The following TEX2 variants were observed in gnomAD, a reference collection of about 807,000 sequenced individuals.
TEX2 encodes testis-expressed protein 2.
Under a neutral mutation model 106.9 loss-of-function variants are expected in TEX2, and 53 were observed. The ratio of observed to expected loss-of-function variants is 0.50; its 90% CI spans 0.40 to 0.62. The LOEUF is 0.62. Ranked by LOEUF, TEX2 falls within the 20% of genes least tolerant of loss-of-function variation. The pLI is 0.00. For synonymous variants in TEX2, 523 were observed against 534.8 expected (o/e 0.98, Z 0.30); for missense variants, 1,207 against 1,379.0 (o/e 0.88, Z 1.98).
rs200927821 is a variant in TEX2, at chr17:64,213,757, G to A, written c.461C>T (p.Ser154Phe). Residue 154 changes from serine (S) to phenylalanine (F), a missense_variant, in exon 2 of 12, where the codon TCT becomes TTT. Around this residue, in one of 3 missense-constraint regions of TEX2, gnomAD observed 1,067 missense variants for 1,193.6 expected, o/e 0.89. Coordinates refer to ENST00000584379, the MANE Select transcript of TEX2 (RefSeq NM_001288732.2). This position sits in a 1 kb window ranked among gnomAD's most constrained non-coding sequence, Gnocchi z 4.4. ...GGAGGAAGAACTGGTTTTCTGCTCA[G>A]AAAGGGATGACACACTGGGAGAGCT... ...LASSPSVSSL[S>F]EQKTSSSSPL... The A allele has an allele frequency of 6.2e-6, 10 of 1,614,196 alleles. No homozygotes were observed. In the East Asian group the frequency reaches 2.2e-4, roughly 36 times the overall value.
At chr17:64,257,040 C>T (rs1390802041) in intron 1 of TEX2, among the ~76,000 whole-genome samples, 10 of 152,216 alleles carry the variant, frequency 6.6e-5, no homozygotes, top group African/African-American at 2.2e-4. Context: ...AGGTTTTAAT[C>T]TCAGATCCTA....
At chr17:64,253,188 G>A (rs538466367) in intron 1 of TEX2, among the ~76,000 whole-genome samples, 7 of 152,280 alleles carry the variant, frequency 4.6e-5, no homozygotes, top group Admixed American at 2.0e-4. Flanking sequence ...CACCCAGGCT[G>A]GATGCAGTGG....
intron 2 of TEX2, among the ~76,000 whole-genome samples, chr17:64,198,887 C>T (rs139122136): frequency 3.0e-4 from 46 of 152,130 alleles, no homozygotes; most frequent in Middle Eastern, 3.4e-3. Context: ...AGACAAAAAT[C>T]CCTGCATTAT....
rs187214939 is a variant in TEX2 at position 64,148,907 on chromosome 17, C to T, written c.*62G>A. 1.9e-5 allele frequency: 31 copies of T among 1,602,740 alleles called. No individual in the cohort carries two copies. In the East Asian group the frequency reaches 4.7e-4, roughly 24 times the overall value. On this transcript the variant is annotated 3_prime_UTR_variant, in exon 12 of 12. Coordinates refer to ENST00000584379, the MANE Select transcript of TEX2 (RefSeq NM_001288732.2). ...GAGGCCAGTGCTACAGTACAGATGG[C>T]GGCCAAGAACCCCACACATCCAGCT...
chr17:64,150,605 A>T (rs1314986729), intron 11 of TEX2: 2 of 290,464 alleles, frequency 6.9e-6, no homozygotes, highest in East Asian at 1.4e-4. Context: ...CTCTGACCCA[A>T]ATCTTTTGGG....
At chr17:64,200,551 T>A (rs1479042956) in intron 2 of TEX2, among the ~76,000 whole-genome samples, 4 of 152,192 alleles carry the variant, frequency 2.6e-5, no homozygotes, top group Non-Finnish European at 5.9e-5. Flanking sequence ...AGTATGCAAT[T>A]ACCTTCTTTG....
chr17:64,177,930 G>A lies in TEX2; in HGVS notation c.2425-459C>T, dbSNP rs79080258. Among the ~76,000 whole-genome samples, 85 of 152,292 alleles carry A rather than the reference G, an allele frequency of 5.6e-4. No homozygotes were observed. In the East Asian group the frequency reaches 0.015, roughly 26 times the overall value. The stretch of plus-strand genomic sequence containing the variant: ...GACTCAAGTTCAGCCTGAACCCTGT[G>A]AGGTCAAAATATTCCCGGGATGCTT... On this transcript the variant is annotated intron_variant, in intron 5 of 11. Coordinates refer to ENST00000584379, the MANE Select transcript of TEX2 (RefSeq NM_001288732.2).
At chr17:64,248,992 G>A (rs367690469) in intron 1 of TEX2, among the ~76,000 whole-genome samples, 2 of 151,086 alleles carry the variant, frequency 1.3e-5, no homozygotes, top group South Asian at 2.1e-4. Flanking sequence ...CCGAGATTAC[G>A]CCACTGCACT....
chr17:64,247,046 G>A (rs1307762854), intron 1 of TEX2, among the ~76,000 whole-genome samples: 1 of 151,994 alleles, frequency 6.6e-6, no homozygotes, highest in Non-Finnish European at 1.5e-5. Flanking sequence ...GGGAGGCTGA[G>A]GTGGGCAGAT....
intron 1 of TEX2, among the ~76,000 whole-genome samples, chr17:64,239,851 G>A (rs1023645215): frequency 2.6e-5 from 3 of 115,764 alleles, no homozygotes; most frequent in Admixed American, 2.3e-4. Context: ...ACTCCAGCCT[G>A]GACAACAGAG....
chr17:64,249,142 A>G lies in TEX2; in HGVS notation c.-26+14026T>C, dbSNP rs530467193. 3.9e-5 allele frequency among the ~76,000 whole-genome samples: 6 copies of G among 152,316 alleles called. No individual in the cohort carries two copies. In the East Asian group the frequency reaches 1.2e-3, roughly 29 times the overall value. The stretch of plus-strand genomic sequence containing the variant: ...CAGGAAAGCAAAACCTCTCATTCCA[A>G]CTTTAAATACTGACTTAAGCACTTG... On this transcript the variant is annotated intron_variant, in intron 1 of 11. Transcript: ENST00000584379.
Position 64,148,979 on chromosome 17 carries a change from TCAG to T in TEX2, c.3371_3373del (p.Ala1124del), listed in dbSNP as rs758168684. 34 of 1,614,062 alleles carry T rather than the reference TCAG, an allele frequency of 2.1e-5. No individual in the cohort carries two copies. Among genetic ancestry groups the T allele is most frequent in the Middle Eastern group, 1.6e-4 (1 of 6,082 alleles). On this transcript the variant is annotated inframe_deletion, in exon 12 of 12. Transcript: ENST00000584379. ...ATCTGACATCACCCATCATGGCTGA[TCAG>T]CAGCCTCCACAGGTGGGTCTTTCAG...
chr17:64,255,365 G>A (rs558006474), intron 1 of TEX2, among the ~76,000 whole-genome samples: 35 of 152,150 alleles, frequency 2.3e-4, no homozygotes, highest in South Asian at 1.9e-3. Context: ...ATTATGCAGT[G>A]TGCAGGCATT....
chr17:64,206,642 C>T (rs1339109132), intron 2 of TEX2, among the ~76,000 whole-genome samples: 1 of 148,770 alleles, frequency 6.7e-6, no homozygotes, highest in African/African-American at 2.5e-5. Context: ...CAGCTCACTG[C>T]AACCTCCACC....
intron 5 of TEX2, among the ~76,000 whole-genome samples, chr17:64,186,872 TC>T (rs372791572): frequency 7.2e-5 from 11 of 151,846 alleles, no homozygotes; most frequent in African/African-American, 2.7e-4. Context: ...AGGTTAAGTG[TC>T]CCCCAGGCAG....
intron 6 of TEX2, among the ~76,000 whole-genome samples, chr17:64,174,470 C>T (rs1424439025): frequency 2.0e-5 from 3 of 152,170 alleles, no homozygotes; most frequent in African/African-American, 7.2e-5. Flanking sequence ...ACATCTATAA[C>T]CAACCCTCCA....
At chr17:64,183,493 T>C (rs1449761122) in intron 5 of TEX2, among the ~76,000 whole-genome samples, 3 of 152,050 alleles carry the variant, frequency 2.0e-5, no homozygotes, top group Non-Finnish European at 4.4e-5. Flanking sequence ...GCGGCATGAT[T>C]TTGGCTCCCT....
At position 64,153,301 on chromosome 17, in the gene TEX2, G is replaced by A; in HGVS notation, c.2931-147C>T. The A allele has an allele frequency of 1.6e-6, 1 of 631,352 alleles. No individual in the cohort carries two copies. Among genetic ancestry groups the A allele is most frequent in the South Asian group, 1.9e-5 (1 of 51,376 alleles). The allele number at this position is 631,352 out of a possible 1,614,324, so 39.1% of individuals were successfully genotyped here. A position where few individuals can be genotyped will look rare whatever the true frequency, so the allele number is the denominator to read the frequency against. ...TGTGTTGGGGCGGGGGGCATCCTGT[G>A]CATTGCAGGGTGTTCAGCAGCATCC... On this transcript the variant is annotated intron_variant, in intron 9 of 11. Transcript: ENST00000584379. The surrounding 1 kb of genome is among the most constrained non-coding windows in gnomAD (Gnocchi z 4.1).
intron 9 of TEX2, 113 bp downstream of exon 9, chr17:64,154,729 C>A (rs2143613839): frequency 7.7e-7 from 1 of 1,295,440 alleles, no homozygotes; most frequent in Non-Finnish European, 1.0e-6. Flanking sequence ...ACCATCTACT[C>A]AACATTAAAG....
Sources: gnomAD v4.1 joint callset for allele counts (sites outside exome capture counted in the v4.1 genomes callset) on GRCh38, gnomAD v4.1.1 for gene constraint, gnomAD v4.1.1 regional missense constraint, Gnocchi (gnomAD v3.1) non-coding constraint, MANE v1.5 for transcripts, NCBI Gene and HGNC (gene_info 2026-07-23, HGNC 2026-07-21) for gene names.